The following DIS3L2 variants were observed in gnomAD, a reference collection of about 807,000 sequenced individuals.
The protein encoded by DIS3L2 is DIS3-like exonuclease 2.
In DIS3L2, 34 loss-of-function variants were observed where a neutral mutation model predicts 97.5. The observed-to-expected ratio is 0.35, with a 90% CI of 0.27 to 0.46. The LOEUF (loss-of-function observed/expected upper bound fraction) is 0.46, where lower values mean the gene tolerates loss of function less well. DIS3L2 is among the 20% of genes least tolerant of loss of function. The pLI, the probability that DIS3L2 is intolerant of heterozygous loss-of-function variation, is 1.00. For synonymous variants in DIS3L2, 435 were observed against 445.2 expected (o/e 0.98, Z 0.29); for missense variants, 1,038 against 1,146.0 (o/e 0.91, Z 1.36).
intron 14 of DIS3L2, among the ~76,000 whole-genome samples, chr2:232,318,949 A>C (rs1037824829): frequency 5.3e-5 from 8 of 152,186 alleles, no homozygotes; most frequent in Non-Finnish European, 1.0e-4. Flanking sequence ...TTCCAGATAC[A>C]ACACAGGGCG....
At chr2:232,139,601 A>G (rs879346600) in intron 8 of DIS3L2, among the ~76,000 whole-genome samples, 1 of 152,170 alleles carries the variant, frequency 6.6e-6, no homozygotes, top group Non-Finnish European at 1.5e-5. Context: ...TATCTCTTTG[A>G]GTTCTACCTA....
intron 13 of DIS3L2, among the ~76,000 whole-genome samples, chr2:232,267,954 AT>A (rs35537094): frequency 0.39 from 58,868 of 152,078 alleles, 12,202 homozygotes; most frequent in South Asian, 0.55. Flanking sequence ...ATATTGATTG[AT>A]TTTTAGGAAG....
intron 9 of DIS3L2, among the ~76,000 whole-genome samples, chr2:232,170,366 T>A (rs1011398968): frequency 2.0e-5 from 3 of 152,100 alleles, no homozygotes; most frequent in Non-Finnish European, 4.4e-5. Context: ...ACTAAACCGA[T>A]CTTTATGTTT....
intron 13 of DIS3L2, among the ~76,000 whole-genome samples, chr2:232,270,392 CAT>C (rs1693955884): frequency 6.6e-6 from 1 of 152,124 alleles, no homozygotes; most frequent in South Asian, 2.1e-4. Flanking sequence ...TCTAGCATAA[CAT>C]ATGTATAGTT....
chr2:232,119,020 A>G (rs1697813115), intron 6 of DIS3L2, among the ~76,000 whole-genome samples: 1 of 152,220 alleles, frequency 6.6e-6, no homozygotes, highest in African/African-American at 2.4e-5. Context: ...AAATGATTTG[A>G]AAAAGAGGAC....
At chr2:232,190,870 G>A (rs1157763242) in intron 9 of DIS3L2, among the ~76,000 whole-genome samples, 1 of 152,146 alleles carries the variant, frequency 6.6e-6, no homozygotes, top group Non-Finnish European at 1.5e-5. Context: ...GGCACAGAAA[G>A]GCAGATATTA....
chr2:232,144,349 A>G (rs1690156200), intron 8 of DIS3L2, among the ~76,000 whole-genome samples: 2 of 152,120 alleles, frequency 1.3e-5, no homozygotes, highest in Admixed American at 1.3e-4. Flanking sequence ...CAGGTGGGTA[A>G]AAATAGTGAT....
At chr2:231,997,008 C>G (rs1020536109) in intron 1 of DIS3L2, among the ~76,000 whole-genome samples, 26 of 152,338 alleles carry the variant, frequency 1.7e-4, no homozygotes, top group African/African-American at 5.3e-4. Flanking sequence ...CTCTGTGTCA[C>G]TGCCTGTGTG....
intron 9 of DIS3L2, among the ~76,000 whole-genome samples, chr2:232,185,198 GTCATCAAACAAACTTCAGC>G (rs1338148183): frequency 1.3e-5 from 2 of 152,134 alleles, no homozygotes; most frequent in Non-Finnish European, 2.9e-5. Context: ...CATATCTTGA[GTCATCAAACAAACTTCAGC>G]TCATGTGAAA....
chr2:232,119,327 G>A (rs1005672531), intron 6 of DIS3L2, among the ~76,000 whole-genome samples: 3 of 152,084 alleles, frequency 2.0e-5, no homozygotes, highest in African/African-American at 7.2e-5. Context: ...CTTAGAAGAC[G>A]GGTAGAGAAA....
chr2:232,330,242 A>C lies in DIS3L2; in HGVS notation c.1923+246A>C, dbSNP rs1405112482. ...GGACCCTGGAGGCCTAGCAGAGGGCAGGGGTCCTGTGGCCAGAAAGGGCTG... is the reference window on the plus strand; with the variant it reads ...GGACCCTGGAGGCCTAGCAGAGGGCCGGGGTCCTGTGGCCAGAAAGGGCTG... On this transcript the variant is annotated intron_variant, in intron 15 of 20. Coordinates refer to ENST00000325385, the MANE Select transcript of DIS3L2 (RefSeq NM_152383.5). Among the ~76,000 whole-genome samples, 8 of 152,348 alleles carry C rather than the reference A, an allele frequency of 5.3e-5. No homozygotes were observed. The East Asian group carries it at 1.5e-3, about 29-fold the overall frequency.
chr2:232,231,404 C>T (rs558461393), intron 10 of DIS3L2, among the ~76,000 whole-genome samples: 1 of 152,332 alleles, frequency 6.6e-6, no homozygotes, highest in South Asian at 2.1e-4. Context: ...ACCCTAAAAG[C>T]ACCTAGCCCT....
At chr2:232,224,656 T>C (rs1325743892) in intron 10 of DIS3L2, among the ~76,000 whole-genome samples, 1 of 151,966 alleles carries the variant, frequency 6.6e-6, no homozygotes, top group Non-Finnish European at 1.5e-5. Flanking sequence ...CTGGTCAACA[T>C]GGTAAAAACC....
chr2:232,080,072 C>T (rs995060356), intron 5 of DIS3L2, among the ~76,000 whole-genome samples: 4 of 152,112 alleles, frequency 2.6e-5, no homozygotes, highest in Admixed American at 6.5e-5. Flanking sequence ...ATTAATTCAG[C>T]GTGGCAATAA....
Position 232,325,760 on chromosome 2 carries a change from GT to G in DIS3L2, c.1740-4051del, listed in dbSNP as rs1160862405. ...GCCATTCCCAGCCCCTCGGAAAGCA[GT>G]TGTCAGGCAGTCCCTGAGCTCCAGC... On this transcript the variant is annotated intron_variant, in intron 14 of 20. Transcript: ENST00000325385. This position sits in a 1 kb window ranked among gnomAD's most constrained non-coding sequence, Gnocchi z 4.6. Among the ~76,000 whole-genome samples, 4 of 152,242 alleles carry G rather than the reference GT, an allele frequency of 2.6e-5. No homozygotes were observed. Among genetic ancestry groups the G allele is most frequent in the Non-Finnish European group, 4.4e-5 (3 of 68,030 alleles).
chr2:232,270,043 G>A (rs919186600), intron 13 of DIS3L2, among the ~76,000 whole-genome samples: 9 of 152,114 alleles, frequency 5.9e-5, no homozygotes, highest in Non-Finnish European at 1.2e-4. Context: ...GATTAGATGC[G>A]GAGGGGAGGG....
At chr2:232,196,567 A>G (rs1205061440) in intron 9 of DIS3L2, among the ~76,000 whole-genome samples, 1 of 152,140 alleles carries the variant, frequency 6.6e-6, no homozygotes, top group African/African-American at 2.4e-5. Flanking sequence ...CCCAGTGACC[A>G]TAGGATTAAA....
intron 1 of DIS3L2, among the ~76,000 whole-genome samples, chr2:232,005,458 C>A (rs992048885): frequency 6.6e-6 from 1 of 152,188 alleles, no homozygotes; most frequent in African/African-American, 2.4e-5. Context: ...GTCCTTTCTT[C>A]TAGCCAGGCG....
In DIS3L2 at chr2:232,306,904, G is replaced by A. The variant is rs139144592; in HGVS notation, c.1739+6785G>A. 5.9e-3 allele frequency among the ~76,000 whole-genome samples: 892 copies of A among 152,312 alleles called. 12 individuals are homozygous for A. Among genetic ancestry groups the A allele is most frequent in the African/African-American group, 0.02 (823 of 41,562 alleles). ...ATTACCTCACGCTCCTGCGTACAAC[G>A]TGTCCCTGTTGTCATGCCATTTTCT... On this transcript the variant is annotated intron_variant, in intron 14 of 20. Transcript: ENST00000325385.
Sources: gnomAD v4.1 joint callset for allele counts (sites outside exome capture counted in the v4.1 genomes callset) on GRCh38, gnomAD v4.1.1 for gene constraint, Gnocchi (gnomAD v3.1) non-coding constraint, MANE v1.5 for transcripts, NCBI Gene and HGNC (gene_info 2026-07-23, HGNC 2026-07-21) for gene names.